Variants in FRMD4B observed in about 807,000 individuals in gnomAD.
The protein encoded by FRMD4B is FERM domain containing 4B, also known as FERM domain-containing protein 4B.
FRMD4B carries 74 observed loss-of-function variants against 141.5 expected under a neutral mutation model. The observed-to-expected ratio is 0.52, with a 90% CI of 0.43 to 0.63. FRMD4B has a LOEUF of 0.63. FRMD4B is among the 30% of genes least tolerant of loss of function. The pLI is 0.00. For missense variants in FRMD4B, 1,366 were observed against 1,253.4 expected, an observed-to-expected ratio of 1.09 and a Z score of -1.36; for synonymous variants, 506 against 467.9, an observed-to-expected ratio of 1.08 and a Z score of -1.05.
At chr3:69,277,855 CTTTCT>C (rs1181118805) in intron 5 of FRMD4B, among the ~76,000 whole-genome samples, 2 of 70,252 alleles carry the variant, frequency 2.8e-5, no homozygotes, top group Non-Finnish European at 6.3e-5. Context: ...CTTTTTCTTT[CTTTCT>C]TTTTTTTTTT....
upstream of FRMD4B, among the ~76,000 whole-genome samples, chr3:69,389,943 TTCC>T (rs1704345109): frequency 1.3e-5 from 2 of 152,138 alleles, no homozygotes; most frequent in Non-Finnish European, 2.9e-5. Flanking sequence ...AGGATTTTCT[TTCC>T]TCCTCAGCAC....
chr3:69,493,237 A>C (rs984426108), intron 1 of FRMD4B, among the ~76,000 whole-genome samples: 2 of 152,204 alleles, frequency 1.3e-5, no homozygotes, highest in African/African-American at 4.8e-5. Context: ...GGGAGAGTAG[A>C]GTACAGTGTA....
chr3:69,325,544 C>A (rs1327989086), intron 1 of FRMD4B, among the ~76,000 whole-genome samples: 1 of 152,214 alleles, frequency 6.6e-6, no homozygotes, highest in South Asian at 2.1e-4. Flanking sequence ...GAGAAGCACA[C>A]AGGATTTAGA....
intron 5 of FRMD4B, among the ~76,000 whole-genome samples, chr3:69,283,415 A>AC (rs72416896): frequency 9.1e-6 from 1 of 109,312 alleles, no homozygotes; most frequent in East Asian, 2.7e-4. Context: ...CAAAAAACAA[A>AC]AAAGCAACAA....
chr3:69,198,631 C>CA, intron 12 of FRMD4B, 67 bp downstream of exon 12: 1 of 786,448 alleles, frequency 1.3e-6, no homozygotes, highest in South Asian at 1.5e-5. Context: ...AACTTGTACA[C>CA]AAATGTTGAT....
intron 7 of FRMD4B, among the ~76,000 whole-genome samples, chr3:69,239,290 T>C (rs2093366071): frequency 6.6e-6 from 1 of 152,220 alleles, no homozygotes; most frequent in African/African-American, 2.4e-5. Context: ...TTCTGGGAAG[T>C]GCAGTGTCCT....
intron 1 of FRMD4B, among the ~76,000 whole-genome samples, chr3:69,381,636 G>A (rs1408193177): frequency 2.0e-5 from 3 of 152,204 alleles, no homozygotes; most frequent in African/African-American, 7.2e-5. Flanking sequence ...TCCCCTCTCT[G>A]ATTTAGAATT....
chr3:69,234,682 T>A (rs370395126), intron 7 of FRMD4B, among the ~76,000 whole-genome samples: 1 of 152,156 alleles, frequency 6.6e-6, no homozygotes, highest in Non-Finnish European at 1.5e-5. Flanking sequence ...GTGATTATCA[T>A]TGTACCCTCG....
At chr3:69,500,727 A>C (rs115399023) in intron 1 of FRMD4B, among the ~76,000 whole-genome samples, 2,058 of 150,256 alleles carry the variant, frequency 0.014, 57 homozygotes, top group East Asian at 0.12. Context: ...ACACAGAGGG[A>C]AGCAGTGACT....
chr3:69,385,909 C>A lies in FRMD4B; in HGVS notation c.81G>T (p.Thr27=). The change falls in exon 1 of 23, where the codon ACG becomes ACT. Residue 27 remains threonine (T), a synonymous_variant. Transcript: ENST00000398540. ...GCCTCTCCGTGTACCATCTCCGCAG[C>A]GTGGACACGGTCAAGTTCCATACGA... is the stretch of plus-strand genomic sequence containing the variant. ...SRFVWNLTVS[T]LRRWYTERLR... is the part of the protein sequence containing the mutation. The A allele has an allele frequency of 6.2e-7, 1 of 1,604,636 alleles. No homozygotes were observed.
At chr3:69,200,246 G>T (rs568982031) in intron 11 of FRMD4B, 1 of 187,874 alleles carries the variant, frequency 5.3e-6, no homozygotes, top group Non-Finnish European at 9.9e-6. Flanking sequence ...CCCCAATTCC[G>T]AACAGTGAAA....
At chr3:69,458,812 C>CA (rs776107172) in intron 1 of FRMD4B, among the ~76,000 whole-genome samples, 1 of 82,282 alleles carries the variant, frequency 1.2e-5, no homozygotes, top group Non-Finnish European at 2.3e-5. Flanking sequence ...CATGAGGTGG[C>CA]AAAAAAACAG....
chr3:69,455,769 C>G (rs1194568688), intron 1 of FRMD4B, among the ~76,000 whole-genome samples: 1 of 152,154 alleles, frequency 6.6e-6, no homozygotes, highest in African/African-American at 2.4e-5. Context: ...TTTGTAATTC[C>G]AATTTTTTAA....
intron 5 of FRMD4B, among the ~76,000 whole-genome samples, chr3:69,262,331 G>A (rs2093532814): frequency 6.6e-6 from 1 of 151,994 alleles, no homozygotes; most frequent in South Asian, 2.1e-4. Flanking sequence ...TATACACTAT[G>A]GCTCAGCAAT....
chr3:69,455,783 C>T (rs1270523236), intron 1 of FRMD4B, among the ~76,000 whole-genome samples: 3 of 152,164 alleles, frequency 2.0e-5, no homozygotes, highest in East Asian at 3.8e-4. Flanking sequence ...TTTTTAATGT[C>T]TTTAACTGTG....
At chr3:69,237,974 G>A (rs1419374907) in intron 7 of FRMD4B, among the ~76,000 whole-genome samples, 4 of 152,134 alleles carry the variant, frequency 2.6e-5, no homozygotes, top group Admixed American at 6.6e-5. Context: ...TCAGGCAATC[G>A]GCCGGCGTTG....
At chr3:69,240,749 T>C (rs1341910134) in intron 7 of FRMD4B, among the ~76,000 whole-genome samples, 1 of 152,200 alleles carries the variant, frequency 6.6e-6, no homozygotes, top group Non-Finnish European at 1.5e-5. Flanking sequence ...AAGAAGACTG[T>C]ATTGTTATGT....
intron 4 of FRMD4B, among the ~76,000 whole-genome samples, chr3:69,288,904 T>G (rs1193710138): frequency 1.3e-5 from 2 of 152,236 alleles, no homozygotes; most frequent in Non-Finnish European, 2.9e-5. Flanking sequence ...TGATGATACC[T>G]TTGATAAATA....
intron 2 of FRMD4B, among the ~76,000 whole-genome samples, chr3:69,428,240 C>T (rs58102229): frequency 0.033 from 5,006 of 151,524 alleles, 234 homozygotes; most frequent in African/African-American, 0.098. Context: ...ACAACCAGTT[C>T]TGCATCTCAC....
Sources: allele counts gnomAD v4.1 joint callset (sites outside exome capture counted in the v4.1 genomes callset), GRCh38; gene constraint gnomAD v4.1.1; transcripts MANE v1.5; gene names NCBI Gene and HGNC (gene_info 2026-07-23, HGNC 2026-07-21).